GEMIN5: variants seen among roughly 807,000 people sequenced by gnomAD.
The protein encoded by GEMIN5 is gem-associated protein 5.
GEMIN5 carries 124 observed loss-of-function variants against 176.9 expected under a neutral mutation model. The observed-to-expected ratio is 0.70, with a 90% CI of 0.61 to 0.81. The LOEUF is 0.81. Ranked by LOEUF, GEMIN5 falls within the 40% of genes least tolerant of loss-of-function variation. GEMIN5 has a pLI of 0.00. For missense variants in GEMIN5, 1,843 were observed against 1,814.6 expected (o/e 1.02, Z -0.28); for synonymous variants, 673 against 665.2 (o/e 1.01, Z -0.18).
intron 3 of GEMIN5, among the ~76,000 whole-genome samples, chr5:154,932,497 G>A (rs1764190160): frequency 6.6e-6 from 1 of 152,180 alleles, no homozygotes; most frequent in Admixed American, 6.5e-5. Context: ...GTAATACTAT[G>A]TATGTTGCCT....
rs1332898858 is a variant in GEMIN5 at position 154,898,565 on chromosome 5, A to G, written c.3220T>C (p.Leu1074=). 2 of 1,613,838 alleles carry G rather than the reference A, an allele frequency of 1.2e-6. No homozygotes were observed. The highest frequency in any genetic ancestry group is 8.5e-7 in the Non-Finnish European group (1 of 1,179,958). ...DAASLRTAAE[L]AAIVGEDELS... is the part of the protein sequence containing the mutation. Reference sequence around the variant, plus strand: ...TCATCCTCTCCTACGATGGCAGCCAACTCTGCAGCCGTTCTAAGTGATGCC... The same window carrying G: ...TCATCCTCTCCTACGATGGCAGCCAGCTCTGCAGCCGTTCTAAGTGATGCC... The change falls in exon 23 of 28, where the codon TTG becomes CTG. Residue 1074 remains leucine, a synonymous_variant. Transcript: ENST00000285873.
chr5:154,926,216 T>A, intron 7 of GEMIN5, 142 bp from the exon 8 acceptor site: 1 of 585,326 alleles, frequency 1.7e-6, no homozygotes, highest in Non-Finnish European at 3.1e-6. Context: ...AAAGCACTGC[T>A]AAGAAAAAAA....
intron 15 of GEMIN5, among the ~76,000 whole-genome samples, chr5:154,909,070 T>G (rs181981720): frequency 3.5e-3 from 539 of 151,972 alleles, no homozygotes; most frequent in African/African-American, 0.013. Context: ...GCAATCCTCC[T>G]GCCTCAGCCT....
At chr5:154,918,136 C>T (rs1763850228) in intron 11 of GEMIN5, 132 bp from the exon 12 acceptor site, 1 of 617,662 alleles carries the variant, frequency 1.6e-6, no homozygotes, top group Non-Finnish European at 2.9e-6. Context: ...AAATAATCTA[C>T]ATAATTAGTA....
rs1764297343 is a variant in GEMIN5, at chr5:154,937,648, C to T, written c.166+320G>A. On this transcript the variant is annotated intron_variant, in intron 1 of 27. Coordinates refer to ENST00000285873, the MANE Select transcript of GEMIN5 (RefSeq NM_015465.5). ...CCTGCAGCTGTGGTTAGCCCCCAAC[C>T]CCAGGAAGGCTCCCGGGGGGCTGGC... 3.3e-5 allele frequency among the ~76,000 whole-genome samples: 5 copies of T among 152,324 alleles called. No individual in the cohort carries two copies. In the South Asian group the frequency reaches 1.0e-3, roughly 32 times the overall value.
chr5:154,915,149 CTATT>C (rs1763785584), intron 13 of GEMIN5, among the ~76,000 whole-genome samples: 2 of 152,142 alleles, frequency 1.3e-5, no homozygotes, highest in Admixed American at 6.6e-5. Context: ...ACACTGTCTA[CTATT>C]TATTACTAGG....
rs149782542 is a variant in GEMIN5, at chr5:154,896,019, G to A, written c.3597+73C>T. On this transcript the variant is annotated intron_variant, in intron 24 of 27. Coordinates refer to ENST00000285873, the MANE Select transcript of GEMIN5 (RefSeq NM_015465.5). ...AGTCCAGTATTCTGCTTGTTTCCCC[G>A]TTACAATAGACATGGATTAAGGAAG... 1.8e-3 allele frequency: 2,777 copies of A among 1,540,232 alleles called. 48 individuals are homozygous for A. In the African/African-American group the frequency reaches 0.033, roughly 18 times the overall value.
At position 154,903,826 on chromosome 5, in the gene GEMIN5, A is replaced by T. The variant is rs370703716; in HGVS notation, c.2633-651T>A. ...GAAGATTTACTTTGAAAAAAAAATT[A>T]AAAAAAAATTTTTTTTTTTAAATAG... is the stretch of plus-strand genomic sequence containing the variant. On this transcript the variant is annotated intron_variant, in intron 18 of 27. Transcript: ENST00000285873. Among the ~76,000 whole-genome samples, 303 of 151,722 alleles carry T rather than the reference A, an allele frequency of 2.0e-3. 6 individuals are homozygous for T. In the East Asian group the frequency reaches 0.021, roughly 10 times the overall value.
chr5:154,937,925 G>A (rs377185582), intron 1 of GEMIN5, 43 bp downstream of exon 1: 4 of 1,501,258 alleles, frequency 2.7e-6, no homozygotes, highest in African/African-American at 2.9e-5. Flanking sequence ...CCTGGGGAGC[G>A]TACAAAGGGC....
At chr5:154,909,937 C>T (rs1245246032) in intron 15 of GEMIN5, among the ~76,000 whole-genome samples, 1 of 151,668 alleles carries the variant, frequency 6.6e-6, no homozygotes, top group Non-Finnish European at 1.5e-5. Flanking sequence ...CGAGAGTGCA[C>T]CACTGCACTC....
intron 15 of GEMIN5, among the ~76,000 whole-genome samples, chr5:154,910,692 TCTTA>T (rs1305903779): frequency 6.6e-6 from 1 of 152,206 alleles, no homozygotes; most frequent in Non-Finnish European, 1.5e-5. Flanking sequence ...GGAATTTTCC[TCTTA>T]CTTTCTCTTT....
chr5:154,918,119 T>C (rs1763849965), intron 11 of GEMIN5, 115 bp from the exon 12 acceptor site: 1 of 650,074 alleles, frequency 1.5e-6, no homozygotes, highest in Admixed American at 2.6e-5. Context: ...ACAACAGCTA[T>C]TCTTGTAAAT....
chr5:154,901,900 A>C (rs1161705557), intron 20 of GEMIN5, among the ~76,000 whole-genome samples: 1 of 152,112 alleles, frequency 6.6e-6, no homozygotes, highest in Non-Finnish European at 1.5e-5. Context: ...CCCCGGGCTC[A>C]GGTGATCCTC....
rs1440813243 is a variant in GEMIN5 at position 154,898,587 on chromosome 5, T to C, written c.3198A>G (p.Ala1066=). The change falls in exon 23 of 28, where the codon GCA becomes GCG. Residue 1066 remains alanine, a synonymous_variant. Coordinates refer to ENST00000285873, the MANE Select transcript of GEMIN5 (RefSeq NM_015465.5). ...AKVLAKKGDA[A]SLRTAAELAA... ...CCAACTCTGCAGCCGTTCTAAGTGA[T>C]GCCGCATCCCCCTTTTTGGCCAAAA... 6.2e-7 allele frequency: 1 copy of C among 1,614,208 alleles called. No individual in the cohort carries two copies. Among genetic ancestry groups the C allele is most frequent in the Non-Finnish European group, 8.5e-7 (1 of 1,180,038 alleles).
rs1276456639 is a variant in GEMIN5 at position 154,898,545 on chromosome 5, C to A, written c.3240G>T (p.Glu1080Asp). ...TAAELAAIVG[E>D]DELSASLALR... ...GAGCCAGGGAAGCAGACAACTCATC[C>A]TCTCCTACGATGGCAGCCAACTCTG... Residue 1080 changes from glutamate (E) to aspartate (D), a missense_variant, in exon 23 of 28, where the codon GAG becomes GAT. By Grantham distance (45) the Glu-to-Asp change is conservative. Coordinates refer to ENST00000285873, the MANE Select transcript of GEMIN5 (RefSeq NM_015465.5). The A allele has an allele frequency of 1.2e-6, 2 of 1,613,984 alleles. No individual in the cohort carries two copies. The highest frequency in any genetic ancestry group is 2.7e-5 in the African/African-American group (2 of 74,918).
Position 154,888,296 on chromosome 5 carries a change from C to A in GEMIN5, c.4441G>T (p.Glu1481Ter). The A allele has an allele frequency of 6.2e-7, 1 of 1,614,188 alleles. No homozygotes were observed. Among genetic ancestry groups the A allele is most frequent in the African/African-American group, 1.3e-5 (1 of 75,044 alleles). ...AGCTCTTGGGCCTGCTGCTGCATTT[C>A]CTGGGCCAGACAGCCAGGAAAGTGG... Reference protein sequence around the residue: ...RSHFPGCLAQEMQQQAQELLQ... With the variant: ...RSHFPGCLAQ The change falls in exon 28 of 28, where the codon GAA becomes TAA. Residue 1481 changes from glutamate to a stop codon, truncating the protein, a stop_gained. Coordinates refer to ENST00000285873, the MANE Select transcript of GEMIN5 (RefSeq NM_015465.5). LOFTEE classifies it high-confidence loss of function.
chr5:154,903,933 TTTTA>T (rs1763519182), intron 18 of GEMIN5, among the ~76,000 whole-genome samples: 1 of 152,132 alleles, frequency 6.6e-6, no homozygotes, highest in Non-Finnish European at 1.5e-5. Flanking sequence ...TAAGCATCAA[TTTTA>T]TTTATTATGT....
rs754286558 is a variant in GEMIN5, at chr5:154,918,194, C to T, written c.1600-190G>A. 2.6e-5 allele frequency among the ~76,000 whole-genome samples: 4 copies of T among 151,952 alleles called. No individual in the cohort carries two copies. The South Asian group carries it at 8.3e-4, about 32-fold the overall frequency. On this transcript the variant is annotated intron_variant, in intron 11 of 27. Coordinates refer to ENST00000285873, the MANE Select transcript of GEMIN5 (RefSeq NM_015465.5). ...TTCTAATTCTCATTTCCTAACTGGG[C>T]CAAAAAAACAAAACAAAAAAACCCC...
chr5:154,928,042 G>C (rs185976556), intron 6 of GEMIN5, among the ~76,000 whole-genome samples: 32 of 152,188 alleles, frequency 2.1e-4, no homozygotes, highest in African/African-American at 7.7e-4. Flanking sequence ...AGCTAGGGAA[G>C]ACAGAAAGAC....
Sources: allele counts gnomAD v4.1 joint callset (sites outside exome capture counted in the v4.1 genomes callset), GRCh38; gene constraint gnomAD v4.1.1; transcripts MANE v1.5; gene names NCBI Gene and HGNC (gene_info 2026-07-23, HGNC 2026-07-21).